ITIH2: variants seen among roughly 807,000 people sequenced by gnomAD.
ITIH2 encodes inter-alpha-trypsin inhibitor heavy chain 2.
Under a neutral mutation model 104.4 loss-of-function variants are expected in ITIH2, and 103 were observed. The ratio of observed to expected loss-of-function variants is 0.99; its 90% confidence interval spans 0.84 to 1.16. The LOEUF (loss-of-function observed/expected upper bound fraction) is 1.16. ITIH2 is among the 50% of genes most tolerant of loss of function. The probability of loss-of-function intolerance (pLI) is 0.00; values close to 1 mark genes in which losing one functional copy is unlikely to be tolerated. For missense variants in ITIH2, 1,108 were observed against 1,162.4 expected, an observed-to-expected ratio of 0.95 and a Z score of 0.68; for synonymous variants, 436 against 435.4, an observed-to-expected ratio of 1.00 and a Z score of -0.02.
intron 20 of ITIH2, 98 bp from the exon 21 acceptor site, chr10:7,749,086 TGTG>T: frequency 8.5e-7 from 1 of 1,180,282 alleles, no homozygotes; most frequent in Non-Finnish European, 1.2e-6. Flanking sequence ...GGGCGGCAGA[TGTG>T]GTGACAGAAG....
chr10:7,713,124 G>GA, intron 4 of ITIH2, 57 bp from the exon 5 acceptor site: 4 of 1,379,532 alleles, frequency 2.9e-6, no homozygotes, highest in Non-Finnish European at 4.1e-6. Flanking sequence ...CATCTCGAGG[G>GA]GAAAAAAAAA....
At chr10:7,719,793 A>G (rs1032975597) in intron 6 of ITIH2, among the ~76,000 whole-genome samples, 3 of 148,714 alleles carry the variant, frequency 2.0e-5, no homozygotes, top group African/African-American at 7.4e-5. Context: ...AGAAAGAAAG[A>G]AAAGAAAAAA....
At chr10:7,745,429 T>G (rs1835166988) in intron 19 of ITIH2, among the ~76,000 whole-genome samples, 1 of 152,066 alleles carries the variant, frequency 6.6e-6, no homozygotes, top group Admixed American at 6.5e-5. Context: ...CTCGATTTAC[T>G]TACAATCCAC....
At chr10:7,737,293 C>T (rs1187686183) in intron 15 of ITIH2, among the ~76,000 whole-genome samples, 1 of 150,948 alleles carries the variant, frequency 6.6e-6, no homozygotes, top group Non-Finnish European at 1.5e-5. Flanking sequence ...GGTGCACACA[C>T]CCAGGGCTAG....
Position 7,731,073 on chromosome 10 carries a change from C to T in ITIH2, c.1462-738C>T, listed in dbSNP as rs75253746. On this transcript the variant is annotated intron_variant, in intron 12 of 20. Transcript: ENST00000358415. ...AGCCAGGATTACAGGCATGTGCCAC[C>T]AGGCCCGGCTAATTTTTGTATTTTT... is the stretch of plus-strand genomic sequence containing the variant. 9.1e-3 allele frequency among the ~76,000 whole-genome samples: 1,386 copies of T among 152,208 alleles called. 15 individuals are homozygous for T. Among genetic ancestry groups the T allele is most frequent in the South Asian group, 0.047 (227 of 4,824 alleles).
At chr10:7,746,240 T>A (rs1265688011) in intron 19 of ITIH2, among the ~76,000 whole-genome samples, 1 of 151,314 alleles carries the variant, frequency 6.6e-6, no homozygotes, top group Non-Finnish European at 1.5e-5. Context: ...CCAGGCGTAG[T>A]GGCTCACGCC....
At chr10:7,713,927 G>A (rs941961891) in intron 5 of ITIH2, among the ~76,000 whole-genome samples, 2 of 151,956 alleles carry the variant, frequency 1.3e-5, no homozygotes, top group Non-Finnish European at 2.9e-5. Flanking sequence ...GGCCTCAAGC[G>A]ATCCTCCCAT....
rs374804439 is a variant in ITIH2, at chr10:7,735,014, C to T, written c.1880C>T (p.Ser627Leu). 35 of 1,613,760 alleles carry T rather than the reference C, an allele frequency of 2.2e-5. No individual in the cohort carries two copies. Among genetic ancestry groups the T allele is most frequent in the African/African-American group, 9.3e-5 (7 of 75,080 alleles). ...CACCACATTGTGACTCCGCTGACCTCGCTGGTGATCGAGAACGAGGCTGGG... is the reference window on the plus strand; with the variant it reads ...CACCACATTGTGACTCCGCTGACCTTGCTGGTGATCGAGAACGAGGCTGGG... ...LDHHIVTPLT[S>L]LVIENEAGDE... The change falls in exon 15 of 21, where the codon TCG becomes TTG. Residue 627 changes from serine (S) to leucine (L), a missense_variant. Ser to Leu is a moderately radical substitution (Grantham distance 145). Transcript: ENST00000358415.
rs771452580 is a variant in ITIH2 at position 7,749,380 on chromosome 10, CCT to C, written c.*47_*48del. The C allele has an allele frequency of 2.0e-6, 3 of 1,487,880 alleles. No homozygotes were observed. The highest frequency in any genetic ancestry group is 2.8e-6 in the Non-Finnish European group (3 of 1,081,952). The allele number at this position is 1,487,880 out of a possible 1,614,324, so 92.2% of individuals were successfully genotyped here. A position where few individuals can be genotyped will look rare whatever the true frequency, so the allele number is the denominator to read the frequency against. The stretch of plus-strand genomic sequence containing the variant: ...TATATATATTAATATACATCTTTCC[CCT>C]GTCACTTTTGCAGATATTCTTCGGT... On this transcript the variant is annotated 3_prime_UTR_variant, in exon 21 of 21. Coordinates refer to ENST00000358415, the MANE Select transcript of ITIH2 (RefSeq NM_002216.3).
chr10:7,749,238 C>T lies in ITIH2; in HGVS notation c.2745C>T (p.Thr915=), dbSNP rs201558809. Residue 915 remains threonine, a synonymous_variant, in exon 21 of 21, where the codon ACC becomes ACT. Transcript: ENST00000358415. ...RTDLVFGTDV[T]CWFVHNSGKG... is the part of the protein sequence containing the mutation. ...ATCTAGTGTTTGGAACGGACGTTACCTGCTGGTTTGTGCACAACAGTGGAA... is the reference window on the plus strand; with the variant it reads ...ATCTAGTGTTTGGAACGGACGTTACTTGCTGGTTTGTGCACAACAGTGGAA... 8.7e-5 allele frequency: 140 copies of T among 1,614,114 alleles called. 1 individual carries two copies. In the South Asian group the frequency reaches 1.5e-3, roughly 17 times the overall value.
intron 13 of ITIH2, 80 bp downstream of exon 13, chr10:7,732,076 C>A (rs1020316881): frequency 1.7e-6 from 2 of 1,155,744 alleles, no homozygotes; most frequent in Non-Finnish European, 1.3e-6. Flanking sequence ...CTCTGCCTGC[C>A]TGGAATCATG....
At chr10:7,732,292 T>C (rs1835010902) in intron 13 of ITIH2, 46 bp from the exon 14 acceptor site, 1 of 1,585,282 alleles carries the variant, frequency 6.3e-7, no homozygotes, top group Non-Finnish European at 8.6e-7. Flanking sequence ...CAATGAACTA[T>C]AATTCTGTTA....
intron 19 of ITIH2, among the ~76,000 whole-genome samples, chr10:7,745,228 A>AT (rs34382571): frequency 1.3e-5 from 2 of 152,126 alleles, no homozygotes; most frequent in African/African-American, 2.4e-5. Context: ...TATGTTAAAG[A>AT]TTTTTTTCTA....
rs555495851 is a variant in ITIH2, at chr10:7,708,551, G to A, written c.193-471G>A. 1.2e-3 allele frequency among the ~76,000 whole-genome samples: 177 copies of A among 152,254 alleles called. 3 individuals carry two copies. The highest frequency in any genetic ancestry group is 4.1e-3 in the African/African-American group (172 of 41,558). On this transcript the variant is annotated intron_variant, in intron 3 of 20. Transcript: ENST00000358415. The stretch of plus-strand genomic sequence containing the variant: ...TAAAGAAGGTAGAGAGCTGTAAGGG[G>A]GGGTTGGTGGAGGCCATATGTGTGT...
chr10:7,738,221 T>TAAA lies in ITIH2; in HGVS notation c.1958-399_1958-398insAAA, dbSNP rs1346607038. ...ATAAAATATTATATATTATATTCTA[T>TAAA]ATAATATTATATATTATATTCTATA... On this transcript the variant is annotated intron_variant, in intron 15 of 20. Coordinates refer to ENST00000358415, the MANE Select transcript of ITIH2 (RefSeq NM_002216.3). Among the ~76,000 whole-genome samples, 774 of 81,294 alleles carry TAAA rather than the reference T, an allele frequency of 9.5e-3. 25 individuals carry two copies. Among genetic ancestry groups the TAAA allele is most frequent in the East Asian group, 0.017 (55 of 3,234 alleles). 53.3% of individuals were successfully genotyped at this position (81,294 alleles called of 152,430 possible).
At position 7,713,324 on chromosome 10, in the gene ITIH2, A is replaced by G. The variant is rs150203233; in HGVS notation, c.467+39A>G. ...GAGCAAGGCTTGCCCTTGCCTCTCAATGACGGTTTCCTCTCCTACTTCCTT... is the reference window on the plus strand; with the variant it reads ...GAGCAAGGCTTGCCCTTGCCTCTCAGTGACGGTTTCCTCTCCTACTTCCTT... On this transcript the variant is annotated intron_variant, in intron 5 of 20. Coordinates refer to ENST00000358415, the MANE Select transcript of ITIH2 (RefSeq NM_002216.3). 1.8e-4 allele frequency: 264 copies of G among 1,505,114 alleles called. 1 individual carries two copies. The highest frequency in any genetic ancestry group is 9.8e-4 in the African/African-American group (71 of 72,766). 93.2% of individuals were successfully genotyped at this position (1,505,114 alleles called of 1,614,324 possible). A position where few individuals can be genotyped will look rare whatever the true frequency, so the allele number is the denominator to read the frequency against.
chr10:7,727,868 C>A (rs1231920675), intron 11 of ITIH2, 40 bp downstream of exon 11: 1 of 1,610,362 alleles, frequency 6.2e-7, no homozygotes, highest in Non-Finnish European at 8.5e-7. Flanking sequence ...AACACTTTCA[C>A]TGTTGTTTCT....
At position 7,745,030 on chromosome 10, in the gene ITIH2, A is replaced by G. The variant is rs998751361; in HGVS notation, c.2581+67A>G. The G allele has an allele frequency of 4.3e-6, 6 of 1,393,290 alleles. No individual in the cohort carries two copies. In the Admixed American group the frequency reaches 8.9e-5, roughly 21 times the overall value. The allele number at this position is 1,393,290 out of a possible 1,614,324, so 86.3% of individuals were successfully genotyped here. On this transcript the variant is annotated intron_variant, in intron 19 of 20. Coordinates refer to ENST00000358415, the MANE Select transcript of ITIH2 (RefSeq NM_002216.3). ...TAATTCTTTAGCAGCTTTGGTTGAC[A>G]GTGGTTACAAGTTGAGGACATGGCA...
chr10:7,744,746 G>A, intron 18 of ITIH2, 45 bp from the exon 19 acceptor site: 1 of 1,544,588 alleles, frequency 6.5e-7, no homozygotes, highest in Non-Finnish European at 8.8e-7. Context: ...TTTCTCAAAA[G>A]GTCTGTTCTG....
Sources: gnomAD v4.1 joint callset for allele counts (sites outside exome capture counted in the v4.1 genomes callset) on GRCh38, gnomAD v4.1.1 for gene constraint, MANE v1.5 for transcripts, NCBI Gene and HGNC (gene_info 2026-07-23, HGNC 2026-07-21) for gene names.